Variants in STK32B observed in about 807,000 individuals in gnomAD.
STK32B encodes the protein serine/threonine kinase 32B, also known as serine/threonine-protein kinase 32B.
STK32B carries 43 observed loss-of-function variants against 52.6 expected under a neutral mutation model. The observed-to-expected ratio is 0.82, with a 90% CI of 0.64 to 1.05. STK32B has a LOEUF of 1.05. Among genes scored for constraint, STK32B ranks in the 50% least tolerant of loss-of-function variants. STK32B has a pLI of 0.00. For missense variants in STK32B, 621 were observed against 534.6 expected (o/e 1.16, Z -1.59); for synonymous variants, 238 against 204.3 (o/e 1.17, Z -1.41).
rs147192416 is a variant in STK32B, at chr4:5,104,055, G to A, written c.53-35850G>A. Among the ~76,000 whole-genome samples, 340 of 152,222 alleles carry A rather than the reference G, an allele frequency of 2.2e-3. 1 individual carries two copies. Among genetic ancestry groups the A allele is most frequent in the African/African-American group, 7.8e-3 (324 of 41,544 alleles). On this transcript the variant is annotated intron_variant, in intron 1 of 11. Transcript: ENST00000282908. ...CCTCGAAAGTTTTAACAGTAAGAAT[G>A]ATGTTGCTTGTAGGTTTTTGATATT... is the stretch of plus-strand genomic sequence containing the variant.
chr4:5,306,820 G>C (rs561200261), intron 3 of STK32B, among the ~76,000 whole-genome samples: 1 of 151,994 alleles, frequency 6.6e-6, no homozygotes, highest in Admixed American at 6.5e-5. Context: ...AGCAGTTCTT[G>C]TAATGCTGGC....
intron 11 of STK32B, among the ~76,000 whole-genome samples, chr4:5,482,361 T>C (rs1466792003): frequency 1.3e-5 from 2 of 152,124 alleles, no homozygotes; most frequent in Admixed American, 1.3e-4. Context: ...TGAATGGGAG[T>C]TCACTCATGA....
intron 7 of STK32B, among the ~76,000 whole-genome samples, chr4:5,452,393 C>A (rs1716087606): frequency 6.6e-6 from 1 of 151,956 alleles, no homozygotes; most frequent in South Asian, 2.1e-4. Flanking sequence ...GGTAACCTCA[C>A]CAAGGGAGCC....
chr4:5,400,795 CT>C lies in STK32B; in HGVS notation c.472+2554del. On this transcript the variant is annotated intron_variant, in intron 5 of 11. Transcript: ENST00000282908. The surrounding 1 kb of genome is among the most constrained non-coding windows in gnomAD (Gnocchi z 6.1). ...AGAGCCTGAAGCTGGCCATTCTTGC[CT>C]TTGTCTTTCCCTCAGTAAACATCTC... Among the ~76,000 whole-genome samples, 1 of 152,260 alleles carries C rather than the reference CT, an allele frequency of 6.6e-6. No homozygotes were observed.
chr4:5,154,294 C>A (rs1717613101), intron 2 of STK32B, among the ~76,000 whole-genome samples: 1 of 151,132 alleles, frequency 6.6e-6, no homozygotes, highest in Non-Finnish European at 1.5e-5. Context: ...TGGCTCACTG[C>A]CACCTCTCCC....
chr4:5,213,872 A>C (rs1392328005), intron 3 of STK32B, among the ~76,000 whole-genome samples: 1 of 152,248 alleles, frequency 6.6e-6, no homozygotes, highest in Admixed American at 6.5e-5. Context: ...CAATGAGATT[A>C]AATTACCAAT....
At position 5,159,711 on chromosome 4, in the gene STK32B, A is replaced by G. The variant is rs1158288762; in HGVS notation, c.109-8588A>G. On this transcript the variant is annotated intron_variant, in intron 2 of 11. Transcript: ENST00000282908. ...AATATATATGAATATATATGAATAT[A>G]TATATGAATGTATATGAATATATAT... 3.6e-5 allele frequency among the ~76,000 whole-genome samples: 4 copies of G among 109,620 alleles called. 1 individual carries two copies. The highest frequency in any genetic ancestry group is 2.3e-4 in the African/African-American group (4 of 17,038). The allele number at this position is 109,620 out of a possible 152,430, so 71.9% of individuals were successfully genotyped here. A position where few individuals can be genotyped will look rare whatever the true frequency, so the allele number is the denominator to read the frequency against.
intron 4 of STK32B, among the ~76,000 whole-genome samples, chr4:5,333,183 C>G (rs1732393321): frequency 6.6e-6 from 1 of 152,058 alleles, no homozygotes; most frequent in African/African-American, 2.4e-5. Flanking sequence ...TTAATGATTG[C>G]CATTCTAACT....
chr4:5,194,585 CT>C (rs1047085667), intron 3 of STK32B, among the ~76,000 whole-genome samples: 40 of 152,316 alleles, frequency 2.6e-4, no homozygotes, highest in African/African-American at 9.6e-4. Flanking sequence ...AGGAATTCTC[CT>C]TAGTTTTTAT....
At chr4:5,404,232 A>C (rs532848253) in intron 5 of STK32B, among the ~76,000 whole-genome samples, 3 of 152,204 alleles carry the variant, frequency 2.0e-5, no homozygotes, top group Non-Finnish European at 2.9e-5. Context: ...CGGTGTCAGC[A>C]TGGCCCTGCT....
Position 5,218,066 on chromosome 4 carries a change from A to G in STK32B, c.260+49616A>G, listed in dbSNP as rs1336471209. ...CAGTGGGTCAAGTGCCTCATTACCA[A>G]CCTTTCAGGACTCTTTAAATTGCTT... On this transcript the variant is annotated intron_variant, in intron 3 of 11. Coordinates refer to ENST00000282908, the MANE Select transcript of STK32B (RefSeq NM_018401.3). Among the ~76,000 whole-genome samples the G allele has an allele frequency of 2.0e-5, 3 of 152,036 alleles. No homozygotes were observed. In the East Asian group the frequency reaches 5.8e-4, roughly 29 times the overall value.
At chr4:5,304,209 C>G (rs1388277877) in intron 3 of STK32B, among the ~76,000 whole-genome samples, 1 of 151,860 alleles carries the variant, frequency 6.6e-6, no homozygotes. Flanking sequence ...CTCTAGCTCT[C>G]TGAAAAACGA....
intron 1 of STK32B, among the ~76,000 whole-genome samples, chr4:5,126,508 C>T (rs1280116548): frequency 6.6e-6 from 1 of 152,232 alleles, no homozygotes; most frequent in East Asian, 1.9e-4. Flanking sequence ...CCCAGTGTCT[C>T]ACTGTCTAGT....
chr4:5,163,866 G>C (rs1079377), intron 2 of STK32B, among the ~76,000 whole-genome samples: 81,680 of 151,576 alleles, frequency 0.54, 22,226 homozygotes, highest in African/African-American at 0.6. Flanking sequence ...GACACTTTGC[G>C]AGAGGCTAAG....
chr4:5,231,870 G>A (rs1016207630), intron 3 of STK32B, among the ~76,000 whole-genome samples: 1 of 152,134 alleles, frequency 6.6e-6, no homozygotes, highest in Non-Finnish European at 1.5e-5. Flanking sequence ...TTTTGAGGTG[G>A]GGAGGAAGGA....
chr4:5,449,289 G>A (rs1053982321), intron 7 of STK32B, among the ~76,000 whole-genome samples: 1 of 152,202 alleles, frequency 6.6e-6, no homozygotes, highest in African/African-American at 2.4e-5. Flanking sequence ...GTTGCAGTGA[G>A]CCAAGATCGT....
rs148122070 is a variant in STK32B at position 5,404,157 on chromosome 4, A to G, written c.472+5913A>G. On this transcript the variant is annotated intron_variant, in intron 5 of 11. Coordinates refer to ENST00000282908, the MANE Select transcript of STK32B (RefSeq NM_018401.3). ...AGGGCTACCATAACAAAGCCCCACA[A>G]CTGACAGGCTTAAGCAACAGAAACG... Among the ~76,000 whole-genome samples, 770 of 152,128 alleles carry G rather than the reference A, an allele frequency of 5.1e-3. 11 individuals carry two copies. The highest frequency in any genetic ancestry group is 0.016 in the African/African-American group (677 of 41,478).
At chr4:5,031,983 T>A in the STK32B span, among the ~76,000 whole-genome samples, 2 of 152,190 alleles carry the variant, frequency 1.3e-5, no homozygotes, top group Admixed American at 1.3e-4. Context: ...AGACTGTATG[T>A]TTTTTACCCT....
At chr4:5,404,481 A>G (rs924372951) in intron 5 of STK32B, among the ~76,000 whole-genome samples, 1 of 152,128 alleles carries the variant, frequency 6.6e-6, no homozygotes, top group Non-Finnish European at 1.5e-5. Flanking sequence ...CCCTCAATCA[A>G]CTGTTATACA....
Sources: gnomAD v4.1 joint callset for allele counts (sites outside exome capture counted in the v4.1 genomes callset) on GRCh38, gnomAD v4.1.1 for gene constraint, Gnocchi (gnomAD v3.1) non-coding constraint, MANE v1.5 for transcripts, NCBI Gene and HGNC (gene_info 2026-07-23, HGNC 2026-07-21) for gene names.